The following LRP4 variants were observed in gnomAD, a reference collection of about 807,000 sequenced individuals.
LRP4 encodes the protein low-density lipoprotein receptor-related protein 4.
In LRP4, 95 loss-of-function variants were observed where a neutral mutation model predicts 220.3. The observed-to-expected ratio is 0.43, with a 90% confidence interval of 0.37 to 0.51. The LOEUF (loss-of-function observed/expected upper bound fraction) is 0.51. Among genes scored for constraint, LRP4 ranks in the 20% least tolerant of loss-of-function variants. The probability of loss-of-function intolerance (pLI) is 0.00; values close to 1 mark genes in which losing one functional copy is unlikely to be tolerated. For missense variants in LRP4, 1,925 were observed against 2,567.0 expected, an observed-to-expected ratio of 0.75 and a Z score of 5.40; for synonymous variants, 903 against 954.6, an observed-to-expected ratio of 0.95 and a Z score of 1.00.
chr11:46,918,249 C>A lies in LRP4; in HGVS notation c.52+79G>T. The A allele has an allele frequency of 7.0e-7, 1 of 1,438,436 alleles. No individual in the cohort carries two copies. The highest frequency in any genetic ancestry group is 1.2e-5 in the South Asian group (1 of 80,090). The allele number at this position is 1,438,436 out of a possible 1,614,324, so 89.1% of individuals were successfully genotyped here. A position where few individuals can be genotyped will look rare whatever the true frequency, so the allele number is the denominator to read the frequency against. ...AGGGCGAGGGGTCTCAGGCCCCGGC[C>A]CGCGCCGTCCAGGTCCCGGGAGGCG... On this transcript the variant is annotated intron_variant, in intron 1 of 37. Coordinates refer to ENST00000378623, the MANE Select transcript of LRP4 (RefSeq NM_002334.4). The surrounding 1 kb of genome is among the most constrained non-coding windows in gnomAD (Gnocchi z 6.0).
At chr11:46,860,258 G>GA (rs921858128) in intron 37 of LRP4, among the ~76,000 whole-genome samples, 4 of 150,192 alleles carry the variant, frequency 2.7e-5, no homozygotes, top group African/African-American at 4.9e-5. Flanking sequence ...AAGAAAGAAA[G>GA]AAAAAAAACT....
At chr11:46,889,692 G>A (rs577722548) in intron 15 of LRP4, 159 bp from the exon 16 acceptor site, 20 of 981,924 alleles carry the variant, frequency 2.0e-5, no homozygotes, top group Non-Finnish European at 2.8e-5. Flanking sequence ...GTGAGTACCC[G>A]GCACAGAGGA....
chr11:46,860,486 G>A (rs984691676), intron 37 of LRP4, among the ~76,000 whole-genome samples: 2 of 151,990 alleles, frequency 1.3e-5, no homozygotes, highest in Non-Finnish European at 2.9e-5. Flanking sequence ...TGGCTGCTGG[G>A]GTATACCAAC....
intron 24 of LRP4, 42 bp downstream of exon 24, chr11:46,876,702 T>G (rs928177599): frequency 3.7e-6 from 6 of 1,613,832 alleles, no homozygotes; most frequent in Non-Finnish European, 5.1e-6. Flanking sequence ...TCCCCAGCCC[T>G]GTTGCCAGAC....
At chr11:46,917,625 C>T (rs1431182543) in intron 1 of LRP4, among the ~76,000 whole-genome samples, 1 of 152,176 alleles carries the variant, frequency 6.6e-6, no homozygotes, top group African/African-American at 2.4e-5. Flanking sequence ...CTGCGGGAGC[C>T]TTCCAGCAGT....
rs183295145 is a variant in LRP4 at position 46,871,638 on chromosome 11, G to A, written c.4584-5C>T. 1.0e-4 allele frequency: 166 copies of A among 1,592,896 alleles called. No individual in the cohort carries two copies. The highest frequency in any genetic ancestry group is 4.2e-4 in the African/African-American group (31 of 74,458). ...TGCGCATCCACCCAGTAGATCCTGC[G>A]AAGAAAATGAAAAGAGTGGCTGCTC... is the stretch of plus-strand genomic sequence containing the variant. On this transcript the variant is annotated splice_polypyrimidine_tract_variant and splice_region_variant and intron_variant, in intron 30 of 37. Coordinates refer to ENST00000378623, the MANE Select transcript of LRP4 (RefSeq NM_002334.4).
chr11:46,891,999 C>T (rs760782551), intron 13 of LRP4, among the ~76,000 whole-genome samples: 15 of 152,110 alleles, frequency 9.9e-5, no homozygotes, highest in Non-Finnish European at 1.9e-4. Flanking sequence ...GTTGCAATCA[C>T]GGTTCCCTGC....
At position 46,916,626 on chromosome 11, in the gene LRP4, C is replaced by T. The variant is rs545747186; in HGVS notation, c.52+1702G>A. On this transcript the variant is annotated intron_variant, in intron 1 of 37. Transcript: ENST00000378623. ...TTCTTGGCCAGTCTCAGCCCGGAAC[C>T]TTCCAGCTCCCCCTTCCCTAGGGCA... Among the ~76,000 whole-genome samples, 3 of 152,100 alleles carry T rather than the reference C, an allele frequency of 2.0e-5. No individual in the cohort carries two copies. In the East Asian group the frequency reaches 5.8e-4, roughly 29 times the overall value.
Position 46,878,729 on chromosome 11 carries a change from A to G in LRP4, c.3136+178T>C, listed in dbSNP as rs7945548. 0.15 allele frequency among the ~76,000 whole-genome samples: 22,639 copies of G among 152,136 alleles called. 2,568 individuals are homozygous for G. Among genetic ancestry groups the G allele is most frequent in the African/African-American group, 0.32 (13,370 of 41,456 alleles). ...CTCCAGTCCTTTCTACTTGCTCCCC[A>G]GGGCCTCTCCCCAGGCCCGTCCCCT... On this transcript the variant is annotated intron_variant, in intron 22 of 37. Transcript: ENST00000378623.
rs1324867173 is a variant in LRP4, at chr11:46,859,197, C to T, written c.5504G>A (p.Gly1835Asp). Residue 1835 changes from glycine to aspartate, a missense_variant, in exon 38 of 38, where the codon GGC becomes GAC. Transcript: ENST00000378623. ...CATGCATACATGATCCCGGAGGAGGCCCCCCCGTGAGCTTCGCAGTTGCTT... is the reference window on the plus strand; with the variant it reads ...CATGCATACATGATCCCGGAGGAGGTCCCCCCGTGAGCTTCGCAGTTGCTT... ...DLKQLRSSRG[G>D]LLRDHVCMKT... 6.2e-7 allele frequency: 1 copy of T among 1,613,830 alleles called. No individual in the cohort carries two copies. The highest frequency in any genetic ancestry group is 8.5e-7 in the Non-Finnish European group (1 of 1,179,826).
intron 37 of LRP4, chr11:46,860,868 G>T: frequency 1.5e-6 from 1 of 653,700 alleles, no homozygotes; most frequent in Non-Finnish European, 1.9e-6. Context: ...GAGAGGTGGG[G>T]GATATGGCAC....
At chr11:46,860,973 A>G in intron 37 of LRP4, 1 of 985,090 alleles carries the variant, frequency 1.0e-6, no homozygotes, top group Non-Finnish European at 1.2e-6. Context: ...AAAGACTATC[A>G]GAGGGGTGAA....
chr11:46,876,707 C>G lies in LRP4; in HGVS notation c.3364+37G>C, dbSNP rs753343960. On this transcript the variant is annotated intron_variant, in intron 24 of 37. Coordinates refer to ENST00000378623, the MANE Select transcript of LRP4 (RefSeq NM_002334.4). ...ATGGGCTATTTCCCCAGCCCTGTTG[C>G]CAGACAGGTGGTCCCTGGGCTAGGA... 1.9e-6 allele frequency: 3 copies of G among 1,613,448 alleles called. No homozygotes were observed. In the South Asian group the frequency reaches 3.3e-5, roughly 18 times the overall value.
chr11:46,890,415 C>T lies in LRP4; in HGVS notation c.1777G>A (p.Ala593Thr), dbSNP rs1941396213. 1.2e-6 allele frequency: 2 copies of T among 1,614,092 alleles called. No individual in the cohort carries two copies. Among genetic ancestry groups the T allele is most frequent in the Non-Finnish European group, 1.7e-6 (2 of 1,180,026 alleles). Residue 593 changes from alanine to threonine, a missense_variant, in exon 14 of 38, where the codon GCC becomes ACC. This residue lies in a region of LRP4 where 269 missense variants were observed against 436.7 expected (regional missense o/e 0.62). Transcript: ENST00000378623. The surrounding 1 kb of genome is among the most constrained non-coding windows in gnomAD (Gnocchi z 5.3). ...TTGGGCCAGAAGAGATGGGTATCGGCAATGATGCGGCGTCCAGAGCCATCC... is the reference window on the plus strand; with the variant it reads ...TTGGGCCAGAAGAGATGGGTATCGGTAATGATGCGGCGTCCAGAGCCATCC... ...SMDGSGRRII[A>T]DTHLFWPNGL...
chr11:46,876,596 G>A lies in LRP4; in HGVS notation c.3406C>T (p.Arg1136Trp), dbSNP rs777439267. Residue 1136 changes from arginine (R) to tryptophan (W), a missense_variant, in exon 25 of 38, where the codon CGG (arginine) becomes TGG (tryptophan). Around this residue, in one of 3 missense-constraint regions of LRP4, gnomAD observed 1,244 missense variants for 1,624.9 expected, o/e 0.77. Transcript: ENST00000378623. ...CCCGTGTCTGTCCAGTATACTTTCC[G>A]GCCAATGGCATCAACCGCGAGCCCA... is the stretch of plus-strand genomic sequence containing the variant. ...TDGLAVDAIG[R>W]KVYWTDTGTN... is the part of the protein sequence containing the mutation. 6 of 1,614,122 alleles carry A rather than the reference G, an allele frequency of 3.7e-6. No individual in the cohort carries two copies. The highest frequency in any genetic ancestry group is 1.7e-5 in the Admixed American group (1 of 60,016).
Position 46,900,374 on chromosome 11 carries a change from T to C in LRP4, c.204A>G (p.Leu68=). ...GAAAGTCAAGAGGGGAACAGGTAGG[T>C]AGTACTGAATCCCAGGAAAAGAAAA... ...GDHSDEDGCI[L]PTCSPLDFHC... The change falls in exon 3 of 38, where the codon CTA becomes CTG. Residue 68 remains leucine (L), a synonymous_variant. Coordinates refer to ENST00000378623, the MANE Select transcript of LRP4 (RefSeq NM_002334.4). 6.3e-7 allele frequency: 1 copy of C among 1,588,436 alleles called. No homozygotes were observed. The highest frequency in any genetic ancestry group is 8.6e-7 in the Non-Finnish European group (1 of 1,156,622).
At chr11:46,878,778 C>T (rs912503629) in intron 22 of LRP4, 129 bp downstream of exon 22, 43 of 1,377,000 alleles carry the variant, frequency 3.1e-5, no homozygotes, top group Non-Finnish European at 4.4e-5. Flanking sequence ...TGAGTCTCTC[C>T]CCTGGGCCTC....
intron 30 of LRP4, among the ~76,000 whole-genome samples, chr11:46,872,126 C>T (rs1403361807): frequency 1.3e-5 from 2 of 152,068 alleles, no homozygotes; most frequent in African/African-American, 4.8e-5. Context: ...CGTGGTGACA[C>T]GTGCCTGTAA....
chr11:46,892,860 G>A (rs191669548), intron 13 of LRP4, 113 bp downstream of exon 13: 34 of 1,340,502 alleles, frequency 2.5e-5, no homozygotes, highest in South Asian at 1.5e-4. Context: ...GTGAGCCACC[G>A]CGCCCAGCTA....
Sources: gnomAD v4.1 joint callset for allele counts (sites outside exome capture counted in the v4.1 genomes callset) on GRCh38, gnomAD v4.1.1 for gene constraint, gnomAD v4.1.1 regional missense constraint, Gnocchi (gnomAD v3.1) non-coding constraint, MANE v1.5 for transcripts, NCBI Gene and HGNC (gene_info 2026-07-23, HGNC 2026-07-21) for gene names.